The following OPHN1 variants were observed in gnomAD, a reference collection of about 807,000 sequenced individuals.
The protein encoded by OPHN1 is oligophrenin 1, also known as oligophrenin-1.
Under a neutral mutation model 60.7 loss-of-function variants are expected in OPHN1, and 11 were observed. The observed-to-expected ratio is 0.18, with a 90% confidence interval of 0.11 to 0.30. OPHN1 has a LOEUF of 0.30. Ranked by LOEUF, OPHN1 falls within the 10% of genes least tolerant of loss-of-function variation. OPHN1 has a pLI of 1.00. For missense variants in OPHN1, 449 were observed against 611.0 expected (o/e 0.73, Z 2.80); for synonymous variants, 226 against 222.6 (o/e 1.02, Z -0.14).
chrX:68,432,006 G>C (rs747420340), intron 2 of OPHN1, among the ~76,000 whole-genome samples: 1 of 110,311 alleles, frequency 9.1e-6, no homozygotes, highest in East Asian at 2.8e-4. Flanking sequence ...CTGCACTCTC[G>C]TTGGGGATGT....
At chrX:68,210,331 GA>G in intron 8 of OPHN1, 49 bp from the exon 9 acceptor site, 1 of 1,155,340 alleles carries the variant, frequency 8.7e-7, no homozygotes. Context: ...TCATTATCAT[GA>G]AAAAGTATTT....
intron 15 of OPHN1, among the ~76,000 whole-genome samples, chrX:68,178,063 G>C: frequency 8.9e-6 from 1 of 111,743 alleles, no homozygotes; most frequent in Non-Finnish European, 1.9e-5. Context: ...ATATATCCAT[G>C]TCAAAATACC....
intron 15 of OPHN1, among the ~76,000 whole-genome samples, chrX:68,172,197 G>C (rs903932878): frequency 8.9e-6 from 1 of 112,117 alleles, no homozygotes; most frequent in Non-Finnish European, 1.9e-5. Context: ...TTATTCAAAT[G>C]AGACAAAACT....
chrX:68,131,729 T>C (rs758754515), intron 15 of OPHN1, among the ~76,000 whole-genome samples: 104 of 111,976 alleles, frequency 9.3e-4, no homozygotes, highest in African/African-American at 2.9e-3. Context: ...AAGACTTAAA[T>C]AACAATCTTA....
At chrX:68,393,885 G>GATTTTTTTT (rs2078666953) in intron 2 of OPHN1, among the ~76,000 whole-genome samples, 1 of 34,587 alleles carries the variant, frequency 2.9e-5, no homozygotes. Context: ...AATAGACTTT[G>GATTTTTTTT]TTTTTTTTTT....
intron 15 of OPHN1, among the ~76,000 whole-genome samples, chrX:68,143,284 A>G (rs1008946010): frequency 7.1e-5 from 8 of 111,920 alleles, no homozygotes; most frequent in African/African-American, 2.6e-4. Flanking sequence ...ATACAGGGTT[A>G]GGAGGTCAGA....
At chrX:68,357,140 T>C (rs2078445018) in intron 2 of OPHN1, among the ~76,000 whole-genome samples, 1 of 112,087 alleles carries the variant, frequency 8.9e-6, no homozygotes, top group Admixed American at 9.5e-5. Context: ...GCTCTGTGAA[T>C]GATACCTAAA....
At chrX:68,287,055 T>A (rs1191642519) in intron 3 of OPHN1, among the ~76,000 whole-genome samples, 17 of 58,630 alleles carry the variant, frequency 2.9e-4, no homozygotes, top group Non-Finnish European at 4.2e-4. Context: ...GGAAAAGAAA[T>A]TAAGAAAGGA....
At chrX:68,322,045 CA>C (rs1451812772) in intron 2 of OPHN1, among the ~76,000 whole-genome samples, 1 of 111,170 alleles carries the variant, frequency 9.0e-6, no homozygotes, top group African/African-American at 3.3e-5. Context: ...CATCATGGCT[CA>C]CTGCAGCCTC....
At chrX:68,136,470 A>C (rs1348420684) in intron 15 of OPHN1, among the ~76,000 whole-genome samples, 1 of 107,698 alleles carries the variant, frequency 9.3e-6, no homozygotes, top group Non-Finnish European at 1.9e-5. Context: ...CGCCTGGCTA[A>C]TTTTTTGTAT....
chrX:68,161,781 C>G (rs2077335493), intron 15 of OPHN1, among the ~76,000 whole-genome samples: 1 of 110,880 alleles, frequency 9.0e-6, no homozygotes, highest in African/African-American at 3.3e-5. Context: ...GGCAGCATTA[C>G]TTATAAAAGT....
At position 68,085,578 on chromosome X, in the gene OPHN1, C is replaced by T. The variant is rs555140104; in HGVS notation, c.1686+11292G>A. 7.2e-5 allele frequency among the ~76,000 whole-genome samples: 8 copies of T among 111,659 alleles called. No individual in the cohort carries two copies. The East Asian group carries it at 1.7e-3, about 24-fold the overall frequency. ...ATTGAATGAAGGGGTGACATTGGTACCTTAAAAACAGGATTATAAACTACA... is the reference window on the plus strand; with the variant it reads ...ATTGAATGAAGGGGTGACATTGGTATCTTAAAAACAGGATTATAAACTACA... On this transcript the variant is annotated intron_variant, in intron 19 of 24. Coordinates refer to ENST00000355520, the MANE Select transcript of OPHN1 (RefSeq NM_002547.3).
chrX:68,280,734 G>A (rs1282068272), intron 4 of OPHN1, among the ~76,000 whole-genome samples: 2 of 111,381 alleles, frequency 1.8e-5, no homozygotes, highest in Non-Finnish European at 3.8e-5. Flanking sequence ...AGTCTGGGAT[G>A]GGTACAAGGA....
At chrX:68,136,179 A>ATGTG (rs1207071748) in intron 15 of OPHN1, among the ~76,000 whole-genome samples, 3 of 109,691 alleles carry the variant, frequency 2.7e-5, no homozygotes, top group African/African-American at 1.0e-4. Context: ...TATTAAATAT[A>ATGTG]TGTGTGTGTG....
chrX:68,293,618 G>T (rs1396864443), intron 3 of OPHN1, among the ~76,000 whole-genome samples: 1 of 112,163 alleles, frequency 8.9e-6, no homozygotes, highest in Non-Finnish European at 1.9e-5. Context: ...ATGTAGCAAG[G>T]TAGATGCACA....
intron 2 of OPHN1, among the ~76,000 whole-genome samples, chrX:68,396,917 C>A (rs1163204612): frequency 8.9e-6 from 1 of 112,037 alleles, no homozygotes; most frequent in African/African-American, 3.2e-5. Context: ...TACTCCTCTC[C>A]CATCCCAGGG....
At position 68,225,995 on chromosome X, in the gene OPHN1, G is replaced by A. The variant is rs146720214; in HGVS notation, c.486+8492C>T. ...TAAAAACCTTGAAAAAAGATAAGAC[G>A]AATGGCTAACTAGAATAAACAGCAT... On this transcript the variant is annotated intron_variant, in intron 6 of 24. Coordinates refer to ENST00000355520, the MANE Select transcript of OPHN1 (RefSeq NM_002547.3). Among the ~76,000 whole-genome samples the A allele has an allele frequency of 3.8e-3, 424 of 111,467 alleles. 3 individuals are homozygous for A. Among genetic ancestry groups the A allele is most frequent in the Middle Eastern group, 0.028 (6 of 214 alleles).
At chrX:68,269,608 C>A (rs570259405) in intron 5 of OPHN1, among the ~76,000 whole-genome samples, 3 of 111,485 alleles carry the variant, frequency 2.7e-5, no homozygotes, top group Non-Finnish European at 5.7e-5. Flanking sequence ...TAAAGACTTA[C>A]ATGTTAGACC....
intron 15 of OPHN1, among the ~76,000 whole-genome samples, chrX:68,156,864 G>A (rs1011624455): frequency 4.5e-5 from 5 of 111,413 alleles, no homozygotes; most frequent in East Asian, 2.8e-4. Flanking sequence ...GACAAATCCC[G>A]ATAATTGAAC....
Sources: allele counts gnomAD v4.1 joint callset (sites outside exome capture counted in the v4.1 genomes callset), GRCh38; gene constraint gnomAD v4.1.1; transcripts MANE v1.5; gene names NCBI Gene and HGNC (gene_info 2026-07-23, HGNC 2026-07-21).